The following ADD2 variants were observed in gnomAD, a reference collection of about 807,000 sequenced individuals.
ADD2 encodes beta-adducin.
In ADD2, 23 loss-of-function variants were observed where a neutral mutation model predicts 83.0. The ratio of observed to expected loss-of-function variants is 0.28; its 90% confidence interval spans 0.20 to 0.39. The LOEUF (loss-of-function observed/expected upper bound fraction) is 0.39, where lower values mean the gene tolerates loss of function less well. Among genes scored for constraint, ADD2 ranks in the 10% least tolerant of loss-of-function variants. The probability of loss-of-function intolerance (pLI) is 1.00; values close to 1 mark genes in which losing one functional copy is unlikely to be tolerated. For synonymous variants in ADD2, 375 were observed against 375.4 expected, an observed-to-expected ratio of 1.00 and a Z score of 0.01; for missense variants, 758 against 944.9, an observed-to-expected ratio of 0.80 and a Z score of 2.59.
chr2:70,692,352 C>T (rs372857624), intron 7 of ADD2, 51 bp downstream of exon 7: 155 of 1,472,968 alleles, frequency 1.1e-4, no homozygotes, highest in Non-Finnish European at 1.4e-4. Context: ...ATTGCTACAA[C>T]CTCGGCAGCC....
intron 1 of ADD2, among the ~76,000 whole-genome samples, chr2:70,731,520 G>A (rs1258229189): frequency 6.6e-6 from 1 of 152,196 alleles, no homozygotes; most frequent in Non-Finnish European, 1.5e-5. Flanking sequence ...AGCAGACAAA[G>A]CCTTGTCTGA....
intron 1 of ADD2, among the ~76,000 whole-genome samples, chr2:70,753,401 T>C (rs545558943): frequency 4.0e-5 from 6 of 151,420 alleles, no homozygotes; most frequent in Non-Finnish European, 8.8e-5. Context: ...AAGGAGAACA[T>C]AAAGGGAGAA....
At chr2:70,764,706 C>T (rs2104571002) in intron 1 of ADD2, among the ~76,000 whole-genome samples, 1 of 151,330 alleles carries the variant, frequency 6.6e-6, no homozygotes, top group Non-Finnish European at 1.5e-5. Context: ...ATCGCTTGAG[C>T]CCAGGAGGTC....
At chr2:70,766,549 G>A (rs1223951887) in intron 1 of ADD2, among the ~76,000 whole-genome samples, 1 of 152,180 alleles carries the variant, frequency 6.6e-6, no homozygotes, top group Non-Finnish European at 1.5e-5. Flanking sequence ...TACTTCAAAT[G>A]CTGACTTGCT....
At chr2:70,740,683 AT>A (rs1372333937) in intron 1 of ADD2, among the ~76,000 whole-genome samples, 2 of 151,590 alleles carry the variant, frequency 1.3e-5, no homozygotes, top group Non-Finnish European at 2.9e-5. Context: ...TGTCTAAGAA[AT>A]TTTTTATTTT....
At chr2:70,760,479 C>T (rs147179915) in intron 1 of ADD2, 1 of 152,280 alleles carries the variant, frequency 6.6e-6, no homozygotes, top group East Asian at 1.9e-4. Context: ...GATGTTATAA[C>T]AATGAATAAG....
chr2:70,682,117 G>A (rs1015047079), intron 10 of ADD2, among the ~76,000 whole-genome samples: 2 of 152,198 alleles, frequency 1.3e-5, no homozygotes, highest in Non-Finnish European at 2.9e-5. Flanking sequence ...TTCTAGGAAT[G>A]AGCCACCAGT....
At chr2:70,690,683 C>T (rs1670980972) in intron 8 of ADD2, 103 bp downstream of exon 8, 16 of 1,341,138 alleles carry the variant, frequency 1.2e-5, no homozygotes, top group South Asian at 6.5e-5. Context: ...TTTTTTTCCC[C>T]CCTCTCTCCC....
chr2:70,678,869 G>A lies in ADD2; in HGVS notation c.1218C>T (p.Ala406=). The A allele has an allele frequency of 6.2e-7, 1 of 1,614,210 alleles. No individual in the cohort carries two copies. Among genetic ancestry groups the A allele is most frequent in the Non-Finnish European group, 8.5e-7 (1 of 1,180,046 alleles). The part of the protein sequence containing the change: ...SEVEIPATVT[A]FVFEEDGAPV... Reference sequence around the variant, plus strand: ...GGGCACCGTCCTCCTCAAACACGAAGGCTGTGACCGTGGCTGGAATCTCCA... The same window carrying A: ...GGGCACCGTCCTCCTCAAACACGAAAGCTGTGACCGTGGCTGGAATCTCCA... The change falls in exon 11 of 16, where the codon GCC becomes GCT. Residue 406 remains alanine (A), a synonymous_variant. Coordinates refer to ENST00000264436, the MANE Select transcript of ADD2 (RefSeq NM_001617.4).
At chr2:70,686,132 T>C (rs1670710296) in intron 9 of ADD2, among the ~76,000 whole-genome samples, 1 of 152,242 alleles carries the variant, frequency 6.6e-6, no homozygotes, top group Non-Finnish European at 1.5e-5. Context: ...AAAAATGACC[T>C]GGCTAGGGCT....
chr2:70,706,458 G>C lies in ADD2; in HGVS notation c.-34-16C>G. The C allele has an allele frequency of 6.4e-7, 1 of 1,561,168 alleles. No individual in the cohort carries two copies. Among genetic ancestry groups the C allele is most frequent in the African/African-American group, 1.4e-5 (1 of 74,034 alleles). ...TCCTGGAACTCTACAGAGAAGGGGAGAGGGTATGCGGTCAGGTTGGTGCTC... is the reference window on the plus strand; with the variant it reads ...TCCTGGAACTCTACAGAGAAGGGGACAGGGTATGCGGTCAGGTTGGTGCTC... On this transcript the variant is annotated splice_polypyrimidine_tract_variant and intron_variant, in intron 2 of 15. Transcript: ENST00000264436. This position sits in a 1 kb window ranked among gnomAD's most constrained non-coding sequence, Gnocchi z 5.0.
intron 1 of ADD2, among the ~76,000 whole-genome samples, chr2:70,746,751 C>T (rs1277094100): frequency 6.6e-6 from 1 of 152,162 alleles, no homozygotes; most frequent in East Asian, 1.9e-4. Flanking sequence ...TTCTCTGCCT[C>T]CTCAGAATTC....
In ADD2 at chr2:70,678,804, T is replaced by G; in HGVS notation, c.1283A>C (p.Lys428Thr). 6.2e-7 allele frequency: 1 copy of G among 1,614,130 alleles called. No homozygotes were observed. The highest frequency in any genetic ancestry group is 8.5e-7 in the Non-Finnish European group (1 of 1,180,006). The change falls in exon 11 of 16, where the codon AAG becomes ACG. Residue 428 changes from lysine to threonine, a missense_variant. By Grantham distance (78) the Lys-to-Thr change is moderately conservative (BLOSUM62 -1). Transcript: ENST00000264436. ...ALRQHAQKQQ[K>T]EKTRWLNTPN... ...CGTATTGAGCCAGCGGGTCTTCTCC[T>G]TCTGCTGCTTCTGGGCATGCTGTCG...
At chr2:70,766,815 C>T (rs1489835997) in intron 1 of ADD2, among the ~76,000 whole-genome samples, 2 of 152,192 alleles carry the variant, frequency 1.3e-5, no homozygotes, top group Non-Finnish European at 2.9e-5. Context: ...TCATCTGAGT[C>T]AGTTGAATCT....
At chr2:70,674,427 T>TA (rs2104212801) in intron 14 of ADD2, among the ~76,000 whole-genome samples, 1 of 152,344 alleles carries the variant, frequency 6.6e-6, no homozygotes, top group South Asian at 2.1e-4. Context: ...GCCTAAGCCA[T>TA]ATTTGTAGGC....
chr2:70,683,709 T>G lies in ADD2; in HGVS notation c.1007A>C (p.Lys336Thr), dbSNP rs782773662. ...VENLILLEQE[K>T]HRPHEVGSVQ... ...GGAGCCCACCTCATGGGGCCGGTGCTTCTCCTGCTCCAGGAGGATGAGGTT... is the reference window on the plus strand; with the variant it reads ...GGAGCCCACCTCATGGGGCCGGTGCGTCTCCTGCTCCAGGAGGATGAGGTT... Residue 336 changes from lysine (K) to threonine (T), a missense_variant, in exon 10 of 16, where the codon AAG becomes ACG. Transcript: ENST00000264436. 2 of 1,614,132 alleles carry G rather than the reference T, an allele frequency of 1.2e-6. No homozygotes were observed. Among genetic ancestry groups the G allele is most frequent in the Admixed American group, 1.7e-5 (1 of 60,024 alleles).
At chr2:70,675,334 A>G (rs1670079222) in intron 13 of ADD2, 2 of 986,926 alleles carry the variant, frequency 2.0e-6, no homozygotes, top group African/African-American at 1.7e-5. Flanking sequence ...TCTCAGTCCA[A>G]ACTGTTAGTC....
intron 4 of ADD2, among the ~76,000 whole-genome samples, chr2:70,702,516 C>A (rs1444506669): frequency 6.6e-6 from 1 of 152,068 alleles, no homozygotes; most frequent in Non-Finnish European, 1.5e-5. Flanking sequence ...GGAAAATTGA[C>A]AAATGCATAA....
intron 1 of ADD2, chr2:70,717,554 T>C (rs1203990035): frequency 6.6e-6 from 1 of 152,346 alleles, no homozygotes; most frequent in Non-Finnish European, 1.5e-5. Flanking sequence ...CCAACAGCCA[T>C]GGCCATGGGT....
Sources: gnomAD v4.1 joint callset for allele counts (sites outside exome capture counted in the v4.1 genomes callset) on GRCh38, gnomAD v4.1.1 for gene constraint, Gnocchi (gnomAD v3.1) non-coding constraint, MANE v1.5 for transcripts, NCBI Gene and HGNC (gene_info 2026-07-23, HGNC 2026-07-21) for gene names.